ADGRB1: variants seen among roughly 807,000 people sequenced by gnomAD.
The protein encoded by ADGRB1 is adhesion G protein-coupled receptor B1.
In ADGRB1, 36 loss-of-function variants were observed where a neutral mutation model predicts 175.7. The observed-to-expected ratio is 0.20, with a 90% CI of 0.16 to 0.27. The LOEUF (loss-of-function observed/expected upper bound fraction) is 0.27. Ranked by LOEUF, ADGRB1 falls within the 10% of genes least tolerant of loss-of-function variation. The pLI, the probability that ADGRB1 is intolerant of heterozygous loss-of-function variation, is 1.00. For synonymous variants in ADGRB1, 1,054 were observed against 979.4 expected (o/e 1.08, Z -1.42); for missense variants, 1,731 against 2,255.3 (o/e 0.77, Z 4.71).
intron 27 of ADGRB1, among the ~76,000 whole-genome samples, chr8:142,540,323 T>A (rs998132944): frequency 2.6e-5 from 4 of 152,258 alleles, no homozygotes; most frequent in Non-Finnish European, 4.4e-5. Flanking sequence ...TTCTGCCCCC[T>A]TGGGGTCTCC....
chr8:142,543,486 T>C lies in ADGRB1; in HGVS notation c.4449+48T>C, dbSNP rs1461253287. On this transcript the variant is annotated intron_variant, in intron 29 of 30. Coordinates refer to ENST00000517894, the MANE Select transcript of ADGRB1 (RefSeq NM_001702.3). The surrounding 1 kb of genome is among the most constrained non-coding windows in gnomAD (Gnocchi z 4.4). Reference sequence around the variant, plus strand: ...ACCAGACACTTAGGGCCAGATGTGCTCTGGGCTCCCACACGGCCAGGCAGC... The same window carrying C: ...ACCAGACACTTAGGGCCAGATGTGCCCTGGGCTCCCACACGGCCAGGCAGC... 1 of 1,611,910 alleles carries C rather than the reference T, an allele frequency of 6.2e-7. No homozygotes were observed. The highest frequency in any genetic ancestry group is 1.3e-5 in the African/African-American group (1 of 74,868).
intron 11 of ADGRB1, among the ~76,000 whole-genome samples, chr8:142,482,562 A>C (rs1047733090): frequency 7.0e-6 from 1 of 143,600 alleles, no homozygotes; most frequent in Admixed American, 7.0e-5. Flanking sequence ...GGTCATGCTG[A>C]GCCCTGATCC....
intron 22 of ADGRB1, among the ~76,000 whole-genome samples, chr8:142,523,670 G>A (rs1220366795): frequency 1.3e-5 from 2 of 151,944 alleles, no homozygotes; most frequent in East Asian, 3.9e-4. Flanking sequence ...CAGATGACAT[G>A]AGGTAGGCTG....
intron 24 of ADGRB1, among the ~76,000 whole-genome samples, chr8:142,530,607 G>A (rs1013183229): frequency 1.3e-5 from 2 of 152,200 alleles, no homozygotes; most frequent in African/African-American, 2.4e-5. Flanking sequence ...CTGGGTGGGA[G>A]GAGCAAGCCC....
chr8:142,521,912 G>T (rs573882650), intron 20 of ADGRB1, 53 bp from the exon 21 acceptor site: 3 of 1,537,296 alleles, frequency 2.0e-6, no homozygotes, highest in South Asian at 2.4e-5. Context: ...GTGGGGACAG[G>T]TGTGGGGCCG....
intron 9 of ADGRB1, among the ~76,000 whole-genome samples, chr8:142,480,313 C>G (rs1171405709): frequency 3.3e-5 from 5 of 152,124 alleles, no homozygotes; most frequent in South Asian, 4.1e-4. Flanking sequence ...CTGGTTCTGC[C>G]CTTGTTTGCT....
At chr8:142,490,017 T>C (rs1841911174) in intron 16 of ADGRB1, among the ~76,000 whole-genome samples, 3 of 152,126 alleles carry the variant, frequency 2.0e-5, no homozygotes, top group Non-Finnish European at 4.4e-5. Context: ...GCCCTTCTGA[T>C]GGGCCGAGAA....
chr8:142,451,057 C>A (rs933032146), intron 1 of ADGRB1, among the ~76,000 whole-genome samples: 1 of 152,200 alleles, frequency 6.6e-6, no homozygotes, highest in Admixed American at 6.5e-5. Context: ...CCCCCGCCCC[C>A]TCCTGGGGAG....
At position 142,510,260 on chromosome 8, in the gene ADGRB1, G is replaced by C. The variant is rs1843014104; in HGVS notation, c.2676-672G>C. ...CGGCCCGTAGACAGCGGGCGGCTGG[G>C]TCAGACCGCAGAGGGAAGTTTCCAG... On this transcript the variant is annotated intron_variant, in intron 17 of 30. Transcript: ENST00000517894. This position sits in a 1 kb window ranked among gnomAD's most constrained non-coding sequence, Gnocchi z 6.3. Among the ~76,000 whole-genome samples, 1 of 152,110 alleles carries C rather than the reference G, an allele frequency of 6.6e-6. No individual in the cohort carries two copies. Among genetic ancestry groups the C allele is most frequent in the Non-Finnish European group, 1.5e-5 (1 of 67,992 alleles).
intron 18 of ADGRB1, among the ~76,000 whole-genome samples, chr8:142,513,543 C>G (rs1218142030): frequency 6.6e-6 from 1 of 152,098 alleles, no homozygotes; most frequent in African/African-American, 2.4e-5. Flanking sequence ...TCCACCGTGC[C>G]GATCCCTCTG....
Position 142,536,968 on chromosome 8 carries a change from C to T in ADGRB1, c.3571-19C>T. 6.4e-7 allele frequency: 1 copy of T among 1,565,814 alleles called. No individual in the cohort carries two copies. Among genetic ancestry groups the T allele is most frequent in the Non-Finnish European group, 8.6e-7 (1 of 1,156,926 alleles). On this transcript the variant is annotated intron_variant, in intron 25 of 30. Coordinates refer to ENST00000517894, the MANE Select transcript of ADGRB1 (RefSeq NM_001702.3). Reference sequence around the variant, plus strand: ...TGGGGGCGTGGCTGCCACTGAGGTGCTCGGCTCTCCCTCCCCAGGTCCAGG... The same window carrying T: ...TGGGGGCGTGGCTGCCACTGAGGTGTTCGGCTCTCCCTCCCCAGGTCCAGG...
In ADGRB1 at chr8:142,522,084, C is replaced by T. The variant is rs1180669982; in HGVS notation, c.3144C>T (p.Leu1048=). The T allele has an allele frequency of 1.2e-6, 2 of 1,611,744 alleles. No homozygotes were observed. The highest frequency in any genetic ancestry group is 2.2e-5 in the East Asian group (1 of 44,838). ...MAVTGHLRNR[L]IRKRFLCLGW... Reference sequence around the variant, plus strand: ...TGACGGGCCACCTCCGGAACCGCCTCATCCGCAAGCGCTTCCTCTGCCTGG... The same window carrying T: ...TGACGGGCCACCTCCGGAACCGCCTTATCCGCAAGCGCTTCCTCTGCCTGG... The change falls in exon 21 of 31, where the codon CTC becomes CTT. Residue 1048 remains leucine, a synonymous_variant. Coordinates refer to ENST00000517894, the MANE Select transcript of ADGRB1 (RefSeq NM_001702.3).
chr8:142,516,920 T>A (rs1455508314), intron 18 of ADGRB1, among the ~76,000 whole-genome samples: 1 of 152,192 alleles, frequency 6.6e-6, no homozygotes, highest in Non-Finnish European at 1.5e-5. Flanking sequence ...TTGCACGCCC[T>A]TCAGCCACCT....
chr8:142,457,760 G>A (rs868421192), intron 1 of ADGRB1, among the ~76,000 whole-genome samples: 7 of 152,272 alleles, frequency 4.6e-5, no homozygotes, highest in Admixed American at 1.3e-4. Flanking sequence ...CCCCCTCCTC[G>A]ACTTGGCTAG....
At chr8:142,508,947 G>T (rs1367476516) in intron 17 of ADGRB1, among the ~76,000 whole-genome samples, 2 of 152,242 alleles carry the variant, frequency 1.3e-5, no homozygotes, top group African/African-American at 4.8e-5. Context: ...CGGCTCCCGG[G>T]CCTCCTCTCA....
chr8:142,474,345 C>T lies in ADGRB1; in HGVS notation c.785-1129C>T, dbSNP rs1032040344. ...GCCCCAGCTCCATGGTGGGTCCCCT[C>T]GTGGTGGCCGCCAGCTGTCTCCTCG... is the stretch of plus-strand genomic sequence containing the variant. On this transcript the variant is annotated intron_variant, in intron 2 of 30. Coordinates refer to ENST00000517894, the MANE Select transcript of ADGRB1 (RefSeq NM_001702.3). The surrounding 1 kb of genome is among the most constrained non-coding windows in gnomAD (Gnocchi z 5.8). 3.3e-5 allele frequency among the ~76,000 whole-genome samples: 5 copies of T among 152,172 alleles called. No homozygotes were observed. Among genetic ancestry groups the T allele is most frequent in the African/African-American group, 1.2e-4 (5 of 41,424 alleles).
chr8:142,533,279 C>A lies in ADGRB1; in HGVS notation c.3399-16C>A. 6.7e-7 allele frequency: 1 copy of A among 1,499,428 alleles called. No homozygotes were observed. The highest frequency in any genetic ancestry group is 8.9e-7 in the Non-Finnish European group (1 of 1,121,734). 92.9% of individuals were successfully genotyped at this position (1,499,428 alleles called of 1,614,324 possible). A position where few individuals can be genotyped will look rare whatever the true frequency, so the allele number is the denominator to read the frequency against. Reference sequence around the variant, plus strand: ...GCAGGGGCGGGGGCGGCAGCGCTGACACCCTCCATCCCCAGGGCCTCCCTG... The same window carrying A: ...GCAGGGGCGGGGGCGGCAGCGCTGAAACCCTCCATCCCCAGGGCCTCCCTG... On this transcript the variant is annotated splice_polypyrimidine_tract_variant and intron_variant, in intron 24 of 30. Transcript: ENST00000517894.
chr8:142,493,364 A>T lies in ADGRB1; in HGVS notation c.2675+2549A>T, dbSNP rs1348398056. ...CCTGCTTTTAGGCAGGGGCGGGGGCAGCAGGACGGCGGTCAAGTCCCCAGG... is the reference window on the plus strand; with the variant it reads ...CCTGCTTTTAGGCAGGGGCGGGGGCTGCAGGACGGCGGTCAAGTCCCCAGG... On this transcript the variant is annotated intron_variant, in intron 17 of 30. Coordinates refer to ENST00000517894, the MANE Select transcript of ADGRB1 (RefSeq NM_001702.3). This position sits in a 1 kb window ranked among gnomAD's most constrained non-coding sequence, Gnocchi z 5.0. 6.6e-6 allele frequency among the ~76,000 whole-genome samples: 1 copy of T among 151,924 alleles called. No individual in the cohort carries two copies. The highest frequency in any genetic ancestry group is 1.5e-5 in the Non-Finnish European group (1 of 67,970).
At position 142,490,896 on chromosome 8, in the gene ADGRB1, G is replaced by A. The variant is rs1201207975; in HGVS notation, c.2675+81G>A. On this transcript the variant is annotated intron_variant, in intron 17 of 30. Transcript: ENST00000517894. Reference sequence around the variant, plus strand: ...CTGGCCCAGTAGGGGAGGGGTGCAGGTTTCAGGTCTTGTCCACTTGCCCCC... The same window carrying A: ...CTGGCCCAGTAGGGGAGGGGTGCAGATTTCAGGTCTTGTCCACTTGCCCCC... The A allele has an allele frequency of 1.0e-5, 15 of 1,504,798 alleles. No individual in the cohort carries two copies. The African/African-American group carries it at 2.1e-4, about 21-fold the overall frequency. The allele number at this position is 1,504,798 out of a possible 1,614,324, so 93.2% of individuals were successfully genotyped here.
Sources: allele counts gnomAD v4.1 joint callset (sites outside exome capture counted in the v4.1 genomes callset), GRCh38; gene constraint gnomAD v4.1.1; non-coding constraint Gnocchi (gnomAD v3.1); transcripts MANE v1.5; gene names NCBI Gene and HGNC (gene_info 2026-07-23, HGNC 2026-07-21).